The following CPA6 variants were observed in gnomAD, a reference collection of about 807,000 sequenced individuals.
The protein encoded by CPA6 is carboxypeptidase B.
Under a neutral mutation model 63.3 loss-of-function variants are expected in CPA6, and 58 were observed. The ratio of observed to expected loss-of-function variants is 0.92; its 90% confidence interval spans 0.74 to 1.14. CPA6 has a LOEUF of 1.14. Ranked by LOEUF, CPA6 falls within the 50% of genes most tolerant of loss-of-function variation. The pLI is 0.00. For missense variants in CPA6, 565 were observed against 526.6 expected (o/e 1.07, Z -0.71); for synonymous variants, 185 against 179.0 (o/e 1.03, Z -0.27).
At chr8:67,703,938 G>T (rs191752120) in intron 1 of CPA6, among the ~76,000 whole-genome samples, 2,100 of 151,046 alleles carry the variant, frequency 0.014, 26 homozygotes, top group Non-Finnish European at 0.021. Context: ...TTTTTTTGTT[G>T]TTGTTGTTGT....
chr8:67,475,291 C>T (rs898490291), intron 8 of CPA6, among the ~76,000 whole-genome samples: 1 of 152,128 alleles, frequency 6.6e-6, no homozygotes, highest in East Asian at 1.9e-4. Context: ...ATAAAAGGCC[C>T]TAAAACCATC....
intron 1 of CPA6, among the ~76,000 whole-genome samples, chr8:67,701,108 G>T (rs1188560960): frequency 3.7e-4 from 57 of 152,264 alleles, no homozygotes; most frequent in Admixed American, 3.1e-3. Context: ...AGTGGAAAGA[G>T]CATGGAGTTT....
In CPA6 at chr8:67,475,755, T is replaced by TTTTC. The variant is rs1276841861; in HGVS notation, c.838+8009_838+8012dup. ...TTTTTCTTTCTTTCCTTCTTTCTTT[T>TTTTC]TTTCTTTCTTTCTCTTTCTTTCTTT... On this transcript the variant is annotated intron_variant, in intron 8 of 10. Coordinates refer to ENST00000297770, the MANE Select transcript of CPA6 (RefSeq NM_020361.5). Among the ~76,000 whole-genome samples, 5 of 144,504 alleles carry TTTTC rather than the reference T, an allele frequency of 3.5e-5. No individual in the cohort carries two copies. The East Asian group carries it at 8.1e-4, about 23-fold the overall frequency. 94.8% of individuals were successfully genotyped at this position (144,504 alleles called of 152,430 possible).
chr8:67,634,548 C>G (rs571761250), intron 1 of CPA6, among the ~76,000 whole-genome samples: 1 of 151,440 alleles, frequency 6.6e-6, no homozygotes, highest in African/African-American at 2.4e-5. Flanking sequence ...CTTCACTTTG[C>G]GGGGAGAAAG....
At chr8:67,626,067 T>C (rs1274052545) in intron 1 of CPA6, among the ~76,000 whole-genome samples, 1 of 152,162 alleles carries the variant, frequency 6.6e-6, no homozygotes, top group Non-Finnish European at 1.5e-5. Context: ...CATGTGGAGG[T>C]CCCTGCTTCC....
chr8:67,657,975 A>G (rs1015688477), intron 1 of CPA6, among the ~76,000 whole-genome samples: 9 of 152,054 alleles, frequency 5.9e-5, no homozygotes, highest in Non-Finnish European at 1.0e-4. Flanking sequence ...TCCTGTTACC[A>G]ACCTCCTCTC....
intron 1 of CPA6, among the ~76,000 whole-genome samples, chr8:67,701,653 G>C (rs906442488): frequency 3.3e-5 from 5 of 152,194 alleles, no homozygotes; most frequent in African/African-American, 9.6e-5. Context: ...AAAGGTCTGT[G>C]TGGTTATTCA....
At chr8:67,587,350 AT>A (rs1364540325) in intron 2 of CPA6, among the ~76,000 whole-genome samples, 1 of 152,140 alleles carries the variant, frequency 6.6e-6, no homozygotes, top group African/African-American at 2.4e-5. Context: ...GAGGGGAAAA[AT>A]GCCTGTTGGG....
intron 2 of CPA6, among the ~76,000 whole-genome samples, chr8:67,584,703 T>C (rs1231042837): frequency 2.0e-5 from 3 of 152,134 alleles, no homozygotes; most frequent in South Asian, 2.1e-4. Context: ...GGATCTTCTA[T>C]GGTGATGCAA....
chr8:67,694,591 A>G (rs933760805), intron 1 of CPA6, among the ~76,000 whole-genome samples: 3 of 152,192 alleles, frequency 2.0e-5, no homozygotes, highest in African/African-American at 7.2e-5. Flanking sequence ...AAGTGGCTTA[A>G]ATGCCCATGG....
At chr8:67,724,368 C>A (rs1340554246) in intron 1 of CPA6, among the ~76,000 whole-genome samples, 1 of 152,116 alleles carries the variant, frequency 6.6e-6, no homozygotes, top group Non-Finnish European at 1.5e-5. Context: ...TTGACGTGTG[C>A]CCCCACGTCT....
chr8:67,684,322 G>A (rs1236013125), intron 1 of CPA6, among the ~76,000 whole-genome samples: 1 of 152,072 alleles, frequency 6.6e-6, no homozygotes, highest in Non-Finnish European at 1.5e-5. Flanking sequence ...TCTTGTAGGA[G>A]CTTAATAAAT....
chr8:67,492,142 G>A (rs1275184425), intron 6 of CPA6, among the ~76,000 whole-genome samples: 1 of 152,182 alleles, frequency 6.6e-6, no homozygotes, highest in Non-Finnish European at 1.5e-5. Flanking sequence ...AGAACAAATA[G>A]CTGACTAGGA....
At chr8:67,530,806 T>A (rs1367183402) in intron 2 of CPA6, among the ~76,000 whole-genome samples, 2 of 152,034 alleles carry the variant, frequency 1.3e-5, no homozygotes, top group Non-Finnish European at 2.9e-5. Flanking sequence ...AGAGTGGGGA[T>A]GGGAAAAAAG....
intron 1 of CPA6, among the ~76,000 whole-genome samples, chr8:67,635,841 A>G (rs183929504): frequency 3.3e-5 from 5 of 151,754 alleles, no homozygotes; most frequent in South Asian, 4.1e-4. Context: ...CACATGTTCA[A>G]TTTGTCAATA....
At chr8:67,541,677 G>A (rs1342324068) in intron 2 of CPA6, among the ~76,000 whole-genome samples, 1 of 152,188 alleles carries the variant, frequency 6.6e-6, no homozygotes, top group African/African-American at 2.4e-5. Flanking sequence ...TTAACTCGGT[G>A]TCTGAGGGGT....
intron 2 of CPA6, among the ~76,000 whole-genome samples, chr8:67,598,346 G>A (rs1335102085): frequency 6.6e-6 from 1 of 151,970 alleles, no homozygotes; most frequent in African/African-American, 2.4e-5. Context: ...TGCAGATTTA[G>A]TTGTCTTGAA....
chr8:67,642,802 C>T (rs1217198584), intron 1 of CPA6, among the ~76,000 whole-genome samples: 1 of 151,674 alleles, frequency 6.6e-6, no homozygotes, highest in African/African-American at 2.4e-5. Flanking sequence ...CTCACACACA[C>T]ACACACACAC....
intron 2 of CPA6, among the ~76,000 whole-genome samples, chr8:67,588,983 C>G (rs111553258): frequency 8.9e-4 from 135 of 152,018 alleles, no homozygotes; most frequent in African/African-American, 3.0e-3. Flanking sequence ...TGGGCATGGT[C>G]GTTCATGCCT....
Sources: allele counts gnomAD v4.1 joint callset (sites outside exome capture counted in the v4.1 genomes callset), GRCh38; gene constraint gnomAD v4.1.1; transcripts MANE v1.5; gene names NCBI Gene and HGNC (gene_info 2026-07-23, HGNC 2026-07-21).